The following CCDC47 variants were observed in gnomAD, a reference collection of about 807,000 sequenced individuals.
The protein encoded by CCDC47 is PAT complex subunit CCDC47.
Under a neutral mutation model 60.5 loss-of-function variants are expected in CCDC47, and 41 were observed. The ratio of observed to expected loss-of-function variants is 0.68; its 90% CI spans 0.53 to 0.88. The LOEUF (loss-of-function observed/expected upper bound fraction) is 0.88, where lower values mean the gene tolerates loss of function less well. Among genes scored for constraint, CCDC47 ranks in the 40% least tolerant of loss-of-function variants. The pLI, the probability that CCDC47 is intolerant of heterozygous loss-of-function variation, is 0.00. For missense variants in CCDC47, 513 were observed against 580.9 expected (o/e 0.88, Z 1.20); for synonymous variants, 195 against 190.7 (o/e 1.02, Z -0.18).
At chr17:63,759,637 C>A (rs1454929134) in intron 6 of CCDC47, among the ~76,000 whole-genome samples, 3 of 140,164 alleles carry the variant, frequency 2.1e-5, no homozygotes, top group African/African-American at 7.7e-5. Context: ...ACTAACAAAG[C>A]ACTTACTAAC....
intron 4 of CCDC47, 144 bp downstream of exon 4, chr17:63,763,872 A>G: frequency 7.3e-6 from 3 of 408,586 alleles, no homozygotes; most frequent in Non-Finnish European, 4.2e-6. Flanking sequence ...AAAAAAAAAG[A>G]GCAGGGGGAA....
intron 4 of CCDC47, 21 bp downstream of exon 4, chr17:63,763,995 G>A: frequency 2.6e-6 from 4 of 1,558,814 alleles, no homozygotes; most frequent in Non-Finnish European, 2.6e-6. Flanking sequence ...AAGAAGCTGG[G>A]CTGACATTGG....
chr17:63,771,263 T>C (rs1259001975), intron 1 of CCDC47, among the ~76,000 whole-genome samples: 1 of 151,880 alleles, frequency 6.6e-6, no homozygotes, highest in Non-Finnish European at 1.5e-5. Flanking sequence ...TTATAAGTAA[T>C]CTAGAGATAA....
chr17:63,751,719 G>C (rs2039166902), intron 12 of CCDC47: 2 of 626,274 alleles, frequency 3.2e-6, no homozygotes, highest in Admixed American at 5.2e-5. Flanking sequence ...TGGGGGAACA[G>C]GATAATACTG....
intron 12 of CCDC47, among the ~76,000 whole-genome samples, chr17:63,748,737 C>T (rs1414662462): frequency 2.0e-5 from 3 of 151,888 alleles, no homozygotes; most frequent in African/African-American, 4.8e-5. Flanking sequence ...CGAGACCAGC[C>T]TGGCTAATGT....
chr17:63,761,402 C>G, intron 4 of CCDC47, 51 bp from the exon 5 acceptor site: 1 of 1,605,000 alleles, frequency 6.2e-7, no homozygotes, highest in African/African-American at 1.3e-5. Flanking sequence ...CAAGGCCGGG[C>G]CGGGGGTGGT....
rs2039280804 is a variant in CCDC47 at position 63,764,152 on chromosome 17, A to G, written c.411T>C (p.Tyr137=). The change falls in exon 4 of 13, where the codon TAT becomes TAC. Residue 137 remains tyrosine (Y), a synonymous_variant. Coordinates refer to ENST00000225726, the MANE Select transcript of CCDC47 (RefSeq NM_020198.3). ...AHLQNSWESY[Y]LEILMVTGLL... ...GACCAGTCACCATCAAAATTTCTAG[A>G]TAATAACTCTCCCAGCTGTTCTGGA... is the stretch of plus-strand genomic sequence containing the variant. The G allele has an allele frequency of 6.2e-7, 1 of 1,611,782 alleles. No individual in the cohort carries two copies. The highest frequency in any genetic ancestry group is 2.2e-5 in the East Asian group (1 of 44,750).
intron 12 of CCDC47, among the ~76,000 whole-genome samples, chr17:63,751,365 C>CA (rs59161342): frequency 0.014 from 406 of 29,508 alleles, 117 homozygotes; most frequent in South Asian, 0.042. Context: ...GACTCCATCT[C>CA]AAAAAAAAAA....
intron 1 of CCDC47, among the ~76,000 whole-genome samples, chr17:63,771,045 G>GAAAGAAAGAAAGAAAGAAAGAAAGA (rs56378189): frequency 1.3e-3 from 131 of 97,774 alleles, no homozygotes; most frequent in African/African-American, 5.2e-3. Flanking sequence ...AGGAAGGAAG[G>GAAAGAAAGAAAGAAAGAAAGAAAGA]AAGAAAGAAA....
At chr17:63,760,748 A>G (rs2039252212) in intron 6 of CCDC47, among the ~76,000 whole-genome samples, 166 bp downstream of exon 6, 2 of 151,552 alleles carry the variant, frequency 1.3e-5, no homozygotes, top group Admixed American at 1.3e-4. Context: ...CTGAGGCAGG[A>G]GAATTGCTTG....
At chr17:63,761,113 T>C (rs2039255656) in intron 5 of CCDC47, 117 bp downstream of exon 5, 5 of 1,445,702 alleles carry the variant, frequency 3.5e-6, no homozygotes, top group African/African-American at 1.4e-5. Flanking sequence ...AAATATCACT[T>C]TTAGACCTCA....
intron 6 of CCDC47, among the ~76,000 whole-genome samples, chr17:63,757,663 G>A (rs771977576): frequency 3.9e-5 from 6 of 152,144 alleles, no homozygotes; most frequent in Non-Finnish European, 8.8e-5. Flanking sequence ...TCACACAGGA[G>A]CACTCAAGTC....
At chr17:63,758,238 C>T (rs976829277) in intron 6 of CCDC47, among the ~76,000 whole-genome samples, 3 of 152,114 alleles carry the variant, frequency 2.0e-5, no homozygotes, top group Admixed American at 2.0e-4. Context: ...CATAGGAACC[C>T]GATTAATAGT....
At chr17:63,763,369 A>G (rs1396533544) in intron 4 of CCDC47, among the ~76,000 whole-genome samples, 1 of 152,132 alleles carries the variant, frequency 6.6e-6, no homozygotes, top group African/African-American at 2.4e-5. Flanking sequence ...CAAAAAAAAT[A>G]CAAAAATTAG....
Position 63,752,012 on chromosome 17 carries a change from C to G in CCDC47, c.1299G>C (p.Arg433=), listed in dbSNP as rs1281355577. 1.2e-6 allele frequency: 2 copies of G among 1,613,602 alleles called. No individual in the cohort carries two copies. Among genetic ancestry groups the G allele is most frequent in the South Asian group, 2.2e-5 (2 of 91,076 alleles). The change falls in exon 12 of 13, where the codon CGG becomes CGC. Residue 433 remains arginine, a synonymous_variant. Transcript: ENST00000225726. ...VQRQEAAQSR[R]EEKKRAEKER... is the part of the protein sequence containing the mutation. ...CCTTCTCTGCTCTTTTTTTCTCCTC[C>G]CGCCGAGACTGTGCTGCTTCCTGTC...
chr17:63,766,349 A>T (rs552277984), intron 1 of CCDC47, among the ~76,000 whole-genome samples, 155 bp from the exon 2 acceptor site: 1 of 152,368 alleles, frequency 6.6e-6, no homozygotes, highest in South Asian at 2.1e-4. Flanking sequence ...AAGTAAGGTC[A>T]AGAGGCTTGG....
chr17:63,771,009 A>AAGG (rs1568253128), intron 1 of CCDC47, among the ~76,000 whole-genome samples: 106 of 69,168 alleles, frequency 1.5e-3, no homozygotes, highest in African/African-American at 5.8e-3. Context: ...AGAAAGAAAG[A>AAGG]AAGAAAGGAA....
At chr17:63,762,725 A>G (rs1299899623) in intron 4 of CCDC47, among the ~76,000 whole-genome samples, 1 of 152,216 alleles carries the variant, frequency 6.6e-6, no homozygotes, top group Non-Finnish European at 1.5e-5. Flanking sequence ...GTCAGATTCT[A>G]AGGGAATTTT....
In CCDC47 at chr17:63,766,125, G is replaced by A; in HGVS notation, c.51C>T (p.Val17=). 6.2e-7 allele frequency: 1 copy of A among 1,613,880 alleles called. No homozygotes were observed. Among genetic ancestry groups the A allele is most frequent in the South Asian group, 1.1e-5 (1 of 91,078 alleles). The change falls in exon 2 of 13, where the codon GTC becomes GTT. Residue 17 remains valine, a synonymous_variant. Transcript: ENST00000225726. Reference sequence around the variant, plus strand: ...CAAAATCATCAAACTTGGCTTCAGAGACACTCCCAAACACCAGAAGGACAA... The same window carrying A: ...CAAAATCATCAAACTTGGCTTCAGAAACACTCCCAAACACCAGAAGGACAA... ...FCVVLLVFGS[V]SEAKFDDFED...
Sources: allele counts gnomAD v4.1 joint callset (sites outside exome capture counted in the v4.1 genomes callset), GRCh38; gene constraint gnomAD v4.1.1; transcripts MANE v1.5; gene names NCBI Gene and HGNC (gene_info 2026-07-23, HGNC 2026-07-21).